The following EBF3 variants were observed in gnomAD, a reference collection of about 807,000 sequenced individuals.
EBF3 encodes the protein transcription factor COE3.
A neutral mutation model predicts 77.1 loss-of-function variants in EBF3; 18 were observed. The ratio of observed to expected loss-of-function variants is 0.23; its 90% CI spans 0.16 to 0.35. EBF3 has a LOEUF of 0.35. Among genes scored for constraint, EBF3 ranks in the 10% least tolerant of loss-of-function variants. The pLI is 1.00. For synonymous variants in EBF3, 350 were observed against 343.5 expected (o/e 1.02, Z -0.21); for missense variants, 558 against 860.0 (o/e 0.65, Z 4.39).
At position 129,848,967 on chromosome 10, in the gene EBF3, T is replaced by C. The variant is rs1446715200; in HGVS notation, c.1040-487A>G. On this transcript the variant is annotated intron_variant, in intron 10 of 16. Transcript: ENST00000440978. The surrounding 1 kb of genome is among the most constrained non-coding windows in gnomAD (Gnocchi z 4.4). Reference sequence around the variant, plus strand: ...GGAGGAGCACTTATTCTTGCAAAGCTTTAATAATCTGTGAATGGCTGCCTA... The same window carrying C: ...GGAGGAGCACTTATTCTTGCAAAGCCTTAATAATCTGTGAATGGCTGCCTA... Among the ~76,000 whole-genome samples, 2 of 152,242 alleles carry C rather than the reference T, an allele frequency of 1.3e-5. No individual in the cohort carries two copies. Among genetic ancestry groups the C allele is most frequent in the Non-Finnish European group, 2.9e-5 (2 of 68,044 alleles).
intron 6 of EBF3, among the ~76,000 whole-genome samples, chr10:129,890,757 T>G (rs1320802014): frequency 1.3e-5 from 2 of 152,226 alleles, no homozygotes; most frequent in Non-Finnish European, 2.9e-5. Context: ...CTTTTTGTTG[T>G]AAATTGCAAT....
intron 15 of EBF3, 86 bp from the exon 16 acceptor site, chr10:129,839,281 G>A: frequency 1.7e-6 from 1 of 594,628 alleles, no homozygotes; most frequent in South Asian, 1.5e-5. Flanking sequence ...ACTGGGAGGA[G>A]CATATACCAA....
intron 6 of EBF3, among the ~76,000 whole-genome samples, chr10:129,909,292 T>C (rs1343155627): frequency 2.0e-5 from 3 of 152,114 alleles, no homozygotes; most frequent in Non-Finnish European, 4.4e-5. Flanking sequence ...AACACGGGGA[T>C]CCCCAGCCTC....
At position 129,879,362 on chromosome 10, in the gene EBF3, A is replaced by AC. The variant is rs1853035314; in HGVS notation, c.555-1514dup. On this transcript the variant is annotated intron_variant, in intron 6 of 16. Transcript: ENST00000440978. This position sits in a 1 kb window ranked among gnomAD's most constrained non-coding sequence, Gnocchi z 4.7. ...TTCCTCCCAAAATATCATCTGTCCTACTTGGTGATTATTAATTTTTGATGA... is the reference window on the plus strand; with the variant it reads ...TTCCTCCCAAAATATCATCTGTCCTACCTTGGTGATTATTAATTTTTGATGA... 6.6e-6 allele frequency among the ~76,000 whole-genome samples: 1 copy of AC among 152,114 alleles called. No homozygotes were observed. Among genetic ancestry groups the AC allele is most frequent in the South Asian group, 2.1e-4 (1 of 4,816 alleles).
chr10:129,883,349 G>A (rs1416178134), intron 6 of EBF3, among the ~76,000 whole-genome samples: 1 of 152,232 alleles, frequency 6.6e-6, no homozygotes, highest in African/African-American at 2.4e-5. Flanking sequence ...CTGGGTTCCA[G>A]CCTCGGTCCT....
chr10:129,839,421 C>T (rs182306464), intron 15 of EBF3, among the ~76,000 whole-genome samples: 10 of 152,358 alleles, frequency 6.6e-5, no homozygotes, highest in African/African-American at 2.4e-4. Context: ...CCGTCACACA[C>T]ATCACAGGCC....
intron 6 of EBF3, among the ~76,000 whole-genome samples, 167 bp from the exon 7 acceptor site, chr10:129,878,016 A>C (rs1852916431): frequency 6.6e-6 from 1 of 152,130 alleles, no homozygotes; most frequent in Admixed American, 6.5e-5. Context: ...GGCGGCGAGG[A>C]GGCACCCAGA....
At chr10:129,878,823 CA>C (rs10654202) in intron 6 of EBF3, among the ~76,000 whole-genome samples, 4,261 of 58,650 alleles carry the variant, frequency 0.073, 219 homozygotes, top group African/African-American at 0.24. Flanking sequence ...AAATCGGTCT[CA>C]AAAAAAAAAA....
At chr10:129,874,018 A>G (rs994805275) in intron 7 of EBF3, among the ~76,000 whole-genome samples, 4 of 152,178 alleles carry the variant, frequency 2.6e-5, no homozygotes, top group Non-Finnish European at 1.5e-5. Flanking sequence ...TCCCTTGAAG[A>G]GCTGGGAGGA....
At chr10:129,956,140 C>T (rs1251983657) in intron 6 of EBF3, among the ~76,000 whole-genome samples, 1 of 152,222 alleles carries the variant, frequency 6.6e-6, no homozygotes, top group Non-Finnish European at 1.5e-5. Flanking sequence ...AACAGCTATT[C>T]CAGCTAGTTA....
chr10:129,875,015 A>G (rs1400337206), intron 7 of EBF3, among the ~76,000 whole-genome samples: 1 of 151,504 alleles, frequency 6.6e-6, no homozygotes, highest in East Asian at 1.9e-4. Flanking sequence ...AAAGCCTATT[A>G]ATAAAATAAT....
chr10:129,892,179 A>AT (rs1171732260), intron 6 of EBF3, among the ~76,000 whole-genome samples: 5 of 152,172 alleles, frequency 3.3e-5, no homozygotes, highest in African/African-American at 1.2e-4. Context: ...GCTCCAACTG[A>AT]TGAGTAGCGG....
At chr10:129,844,640 C>T (rs139973763) in intron 11 of EBF3, among the ~76,000 whole-genome samples, 19 of 152,230 alleles carry the variant, frequency 1.2e-4, no homozygotes, top group Non-Finnish European at 2.4e-4. Flanking sequence ...ACTTTTTGTG[C>T]GTGCCATACG....
rs564058332 is a variant in EBF3, at chr10:129,853,407, G to A, written c.1040-4927C>T. Among the ~76,000 whole-genome samples the A allele has an allele frequency of 2.6e-5, 4 of 152,316 alleles. No homozygotes were observed. In the South Asian group the frequency reaches 8.3e-4, roughly 32 times the overall value. ...GGCTGCAGCTATTAAATGAGTTCCA[G>A]TTTCATTTCAATAATGATCATCTTC... On this transcript the variant is annotated intron_variant, in intron 10 of 16. Coordinates refer to ENST00000440978, the MANE Select transcript of EBF3 (RefSeq NM_001375380.1).
intron 6 of EBF3, among the ~76,000 whole-genome samples, chr10:129,895,347 C>T (rs1164623346): frequency 6.6e-6 from 1 of 152,166 alleles, no homozygotes; most frequent in Admixed American, 6.5e-5. Context: ...GGAAGGAGGC[C>T]CTGCGACAAG....
rs910368903 is a variant in EBF3, at chr10:129,837,802, G to A, written c.*141C>T. ...ATAAAATCTTTAAACAAAGTCTTTTGTAGCATTTCAATTGCTGCTGATTTT... is the reference window on the plus strand; with the variant it reads ...ATAAAATCTTTAAACAAAGTCTTTTATAGCATTTCAATTGCTGCTGATTTT... On this transcript the variant is annotated 3_prime_UTR_variant, in exon 17 of 17. Transcript: ENST00000440978. 7.4e-6 allele frequency: 8 copies of A among 1,084,934 alleles called. No homozygotes were observed. In the South Asian group the frequency reaches 8.7e-5, roughly 12 times the overall value. 67.2% of individuals were successfully genotyped at this position (1,084,934 alleles called of 1,614,324 possible).
intron 6 of EBF3, among the ~76,000 whole-genome samples, chr10:129,894,111 G>A (rs1854206669): frequency 6.6e-6 from 1 of 152,140 alleles, no homozygotes; most frequent in African/African-American, 2.4e-5. Flanking sequence ...TTTTCTAATA[G>A]AAATGAAACT....
At chr10:129,862,790 C>T (rs538556666) in intron 10 of EBF3, among the ~76,000 whole-genome samples, 1 of 152,322 alleles carries the variant, frequency 6.6e-6, no homozygotes, top group East Asian at 1.9e-4. Context: ...AATCAAATAA[C>T]ACTGTAATGC....
intron 6 of EBF3, among the ~76,000 whole-genome samples, chr10:129,906,423 T>C (rs1855147783): frequency 6.6e-6 from 1 of 152,190 alleles, no homozygotes; most frequent in South Asian, 2.1e-4. Context: ...CCTCTAACTT[T>C]GAATTTCCGC....
Sources: allele counts gnomAD v4.1 joint callset (sites outside exome capture counted in the v4.1 genomes callset), GRCh38; gene constraint gnomAD v4.1.1; non-coding constraint Gnocchi (gnomAD v3.1); transcripts MANE v1.5; gene names NCBI Gene and HGNC (gene_info 2026-07-23, HGNC 2026-07-21).